The following NRG4 variants were observed in gnomAD, a reference collection of about 807,000 sequenced individuals.
NRG4 encodes neuregulin 4, also known as pro-neuregulin-4, membrane-bound isoform.
A neutral mutation model predicts 15.0 loss-of-function variants in NRG4; 10 were observed. That is an observed-to-expected ratio of 0.67 (90% CI 0.41 to 1.13). The LOEUF (loss-of-function observed/expected upper bound fraction) is 1.13. Among genes scored for constraint, NRG4 ranks in the 50% most tolerant of loss-of-function variants. The probability of loss-of-function intolerance (pLI) is 0.00; values close to 1 mark genes in which losing one functional copy is unlikely to be tolerated. For missense variants in NRG4, 139 were observed against 140.2 expected (o/e 0.99, Z 0.04); for synonymous variants, 41 against 50.1 (o/e 0.82, Z 0.77).
At chr15:75,958,657 T>G (rs567578733) in intron 4 of NRG4, among the ~76,000 whole-genome samples, 1 of 152,196 alleles carries the variant, frequency 6.6e-6, no homozygotes, top group Admixed American at 6.5e-5. Flanking sequence ...TGTTTGTGAT[T>G]GGAGCTTTCT....
intron 2 of NRG4, among the ~76,000 whole-genome samples, chr15:76,054,797 AC>A (rs2036114707): frequency 1.3e-5 from 2 of 152,256 alleles, no homozygotes; most frequent in African/African-American, 2.4e-5. Flanking sequence ...GTATTATAGT[AC>A]AAAAAAGGAA....
intron 4 of NRG4, among the ~76,000 whole-genome samples, chr15:76,047,701 A>G (rs1260707424): frequency 6.6e-6 from 1 of 151,080 alleles, no homozygotes; most frequent in East Asian, 1.9e-4. Context: ...TAAAAGTGGT[A>G]AAGATGGTAA....
At chr15:76,047,416 C>T (rs769728637) in intron 4 of NRG4, among the ~76,000 whole-genome samples, 2 of 150,946 alleles carry the variant, frequency 1.3e-5, no homozygotes, top group Non-Finnish European at 2.9e-5. Context: ...GATATACGTA[C>T]ACACTGGAGT....
intron 5 of NRG4, among the ~76,000 whole-genome samples, chr15:75,953,823 A>G (rs1454385435): frequency 6.6e-6 from 1 of 152,038 alleles, no homozygotes; most frequent in Non-Finnish European, 1.5e-5. Context: ...GGTAGCTGGG[A>G]CTACAGATAT....
chr15:76,011,497 G>A (rs532350511), intron 1 of NRG4, among the ~76,000 whole-genome samples: 3 of 152,122 alleles, frequency 2.0e-5, no homozygotes, highest in South Asian at 2.1e-4. Flanking sequence ...GATCAATAAC[G>A]TACTTAATAT....
At chr15:75,994,054 T>C (rs1319223106) in intron 3 of NRG4, among the ~76,000 whole-genome samples, 1 of 151,996 alleles carries the variant, frequency 6.6e-6, no homozygotes, top group Non-Finnish European at 1.5e-5. Context: ...TTCATATGTC[T>C]AGTCATTTTG....
At chr15:75,991,608 A>G (rs2034020338) in intron 3 of NRG4, among the ~76,000 whole-genome samples, 1 of 151,052 alleles carries the variant, frequency 6.6e-6, no homozygotes. Context: ...GTGATTCTTC[A>G]TTCACTGTGT....
intron 3 of NRG4, among the ~76,000 whole-genome samples, chr15:75,983,099 CA>C (rs887828618): frequency 3.9e-5 from 6 of 151,994 alleles, no homozygotes; most frequent in Admixed American, 3.3e-4. Context: ...TACAAAGAAC[CA>C]AAAAATCAAA....
intron 5 of NRG4, among the ~76,000 whole-genome samples, chr15:76,027,126 T>TA: frequency 6.6e-6 from 1 of 151,282 alleles, no homozygotes; most frequent in Admixed American, 6.6e-5. Flanking sequence ...ATCTCAAAAA[T>TA]AAAATAAAAT....
intron 3 of NRG4, among the ~76,000 whole-genome samples, chr15:76,007,918 C>CT (rs1475861566): frequency 1.3e-5 from 2 of 152,108 alleles, no homozygotes; most frequent in African/African-American, 2.4e-5. Context: ...TCATTTTCCC[C>CT]TTTTTTAAAA....
At chr15:75,992,805 T>C (rs1183510205) in intron 3 of NRG4, among the ~76,000 whole-genome samples, 5 of 152,192 alleles carry the variant, frequency 3.3e-5, no homozygotes, top group Non-Finnish European at 7.4e-5. Context: ...CTTAGCATAA[T>C]GTTTGTATGG....
At chr15:75,976,239 C>G (rs1322894108) in intron 3 of NRG4, among the ~76,000 whole-genome samples, 1 of 152,166 alleles carries the variant, frequency 6.6e-6, no homozygotes, top group Non-Finnish European at 1.5e-5. Flanking sequence ...GTTCCTCTAA[C>G]CTTTTTTCAA....
At chr15:76,017,120 C>A (rs1056559313), upstream of NRG4, among the ~76,000 whole-genome samples, 3 of 109,664 alleles carry the variant, frequency 2.7e-5, no homozygotes, top group African/African-American at 9.9e-5. Context: ...GGTTTAAAGT[C>A]TGTTTTTATC....
At chr15:76,051,156 C>T (rs908937155) in intron 4 of NRG4, among the ~76,000 whole-genome samples, 13 of 148,650 alleles carry the variant, frequency 8.7e-5, no homozygotes, top group African/African-American at 3.3e-4. Context: ...CAGGCGCCCG[C>T]CACTACGCCC....
intron 4 of NRG4, among the ~76,000 whole-genome samples, chr15:76,050,973 T>TA (rs1555441913): frequency 0.022 from 3,216 of 147,682 alleles, 130 homozygotes; most frequent in Middle Eastern, 0.065. Flanking sequence ...GCCTGCCTAT[T>TA]TTTATTTATT....
At position 76,012,411 on chromosome 15, in the gene NRG4, C is replaced by T. The variant is rs2034843749; in HGVS notation, c.-149G>A. 6.6e-6 allele frequency: 1 copy of T among 152,136 alleles called. No individual in the cohort carries two copies. The highest frequency in any genetic ancestry group is 1.9e-4 in the East Asian group (1 of 5,188). 9.4% of individuals were successfully genotyped at this position (152,136 alleles called of 1,614,324 possible). A position where few individuals can be genotyped will look rare whatever the true frequency, so the allele number is the denominator to read the frequency against. On this transcript the variant is annotated 5_prime_UTR_variant, in exon 1 of 6. An upstream start codon of the reference 5' UTR is lost. Transcript: ENST00000394907. ...AGCAGCTGTGACTTGCATTTTATAA[C>T]ATGTCAAAAATCTGATTTATATGGC...
At chr15:76,057,652 T>A (rs577234445) in intron 1 of NRG4, among the ~76,000 whole-genome samples, 2 of 152,226 alleles carry the variant, frequency 1.3e-5, no homozygotes, top group African/African-American at 4.8e-5. Context: ...TGACAAATTA[T>A]ACATGTTTTG....
intron 4 of NRG4, among the ~76,000 whole-genome samples, chr15:75,957,333 G>A (rs879234070): frequency 2.6e-4 from 40 of 152,196 alleles, no homozygotes; most frequent in Non-Finnish European, 1.0e-4. Flanking sequence ...CTTATTAAAA[G>A]TTGTCTTCAT....
chr15:76,056,148 T>TA (rs113055334), intron 2 of NRG4, among the ~76,000 whole-genome samples: 77 of 152,058 alleles, frequency 5.1e-4, no homozygotes, highest in Admixed American at 4.3e-3. Context: ...AGGATTTTTT[T>TA]AAAAAAAACG....
Sources: gnomAD v4.1 joint callset for allele counts (sites outside exome capture counted in the v4.1 genomes callset) on GRCh38, gnomAD v4.1.1 for gene constraint, MANE v1.5 for transcripts, NCBI Gene and HGNC (gene_info 2026-07-23, HGNC 2026-07-21) for gene names.